CNTN5: variants seen among roughly 807,000 people sequenced by gnomAD.
CNTN5 encodes contactin-5.
Under a neutral mutation model 129.1 loss-of-function variants are expected in CNTN5, and 77 were observed. The observed-to-expected ratio is 0.60, with a 90% CI of 0.50 to 0.72. CNTN5 has a LOEUF of 0.72. CNTN5 is among the 30% of genes least tolerant of loss of function. The pLI is 0.00. For missense variants in CNTN5, 1,478 were observed against 1,328.8 expected (o/e 1.11, Z -1.75); for synonymous variants, 509 against 465.6 (o/e 1.09, Z -1.20).
chr11:99,525,153 T>TACC lies in CNTN5; in HGVS notation c.-70-30992_-70-30991insACC, dbSNP rs1947438205. Among the ~76,000 whole-genome samples, 5 of 152,204 alleles carry TACC rather than the reference T, an allele frequency of 3.3e-5. No homozygotes were observed. The South Asian group carries it at 1.0e-3, about 32-fold the overall frequency. The stretch of plus-strand genomic sequence containing the variant: ...AAAGCCAATTTAAAGGGAGGCTTTT[T>TACC]TTTTACATTAGGAAGACCTATCTTC... On this transcript the variant is annotated intron_variant, in intron 2 of 24. Transcript: ENST00000524871.
intron 7 of CNTN5, among the ~76,000 whole-genome samples, chr11:99,955,720 G>A (rs1440649068): frequency 3.3e-5 from 5 of 151,612 alleles, no homozygotes; most frequent in Admixed American, 6.6e-5. Flanking sequence ...CACCAGGCCC[G>A]GCTAATTTTT....
chr11:100,278,297 C>T (rs916360260), intron 18 of CNTN5, among the ~76,000 whole-genome samples: 4 of 151,910 alleles, frequency 2.6e-5, no homozygotes, highest in African/African-American at 9.7e-5. Context: ...TATTCTAGCT[C>T]TTTTGTGATC....
chr11:100,084,320 C>G (rs531357937), intron 13 of CNTN5, among the ~76,000 whole-genome samples: 40 of 152,166 alleles, frequency 2.6e-4, no homozygotes, highest in African/African-American at 9.6e-4. Flanking sequence ...GTATATGCTC[C>G]TAACTGATTC....
At chr11:99,859,912 A>G (rs185701095) in intron 6 of CNTN5, among the ~76,000 whole-genome samples, 3 of 152,274 alleles carry the variant, frequency 2.0e-5, no homozygotes, top group African/African-American at 4.8e-5. Context: ...TCTTTGAGAA[A>G]TCTCTAAACT....
At chr11:100,134,757 G>T (rs922434738) in intron 13 of CNTN5, among the ~76,000 whole-genome samples, 2 of 152,040 alleles carry the variant, frequency 1.3e-5, no homozygotes, top group African/African-American at 4.8e-5. Flanking sequence ...TTCAAGATGC[G>T]GCAGAAATAA....
intron 6 of CNTN5, among the ~76,000 whole-genome samples, chr11:99,892,004 CT>C (rs1949073180): frequency 6.6e-6 from 1 of 152,082 alleles, no homozygotes; most frequent in African/African-American, 2.4e-5. Context: ...CGTTTCCTGA[CT>C]TTTTAATGAT....
At chr11:99,870,041 G>A (rs1182186107) in intron 6 of CNTN5, among the ~76,000 whole-genome samples, 1 of 152,088 alleles carries the variant, frequency 6.6e-6, no homozygotes, top group Non-Finnish European at 1.5e-5. Context: ...TCAGTGGTAG[G>A]CACACTAATA....
At chr11:99,290,749 A>G (rs959676240) in intron 1 of CNTN5, among the ~76,000 whole-genome samples, 1 of 151,890 alleles carries the variant, frequency 6.6e-6, no homozygotes, top group African/African-American at 2.4e-5. Flanking sequence ...TTTGTATACT[A>G]CGAAGATTCT....
intron 3 of CNTN5, among the ~76,000 whole-genome samples, chr11:99,778,901 A>T (rs1945217500): frequency 7.4e-6 from 1 of 134,270 alleles, no homozygotes; most frequent in Non-Finnish European, 1.6e-5. Flanking sequence ...ATTTCATAGC[A>T]TTTTATTACA....
At chr11:100,203,938 G>A (rs1948848655) in intron 15 of CNTN5, among the ~76,000 whole-genome samples, 1 of 151,246 alleles carries the variant, frequency 6.6e-6, no homozygotes, top group African/African-American at 2.4e-5. Context: ...AAAATATCAT[G>A]TTCTCACATG....
intron 1 of CNTN5, among the ~76,000 whole-genome samples, chr11:99,299,339 T>A (rs1864523737): frequency 6.6e-6 from 1 of 151,898 alleles, no homozygotes; most frequent in Admixed American, 6.6e-5. Flanking sequence ...AGAATAATAG[T>A]AAAGGAACAG....
intron 3 of CNTN5, among the ~76,000 whole-genome samples, chr11:99,637,462 T>A (rs1249594072): frequency 6.6e-6 from 1 of 152,096 alleles, no homozygotes; most frequent in Non-Finnish European, 1.5e-5. Context: ...AGAGGGTGAA[T>A]TGGGAGAACT....
At chr11:99,498,948 A>G (rs1260609580) in intron 2 of CNTN5, among the ~76,000 whole-genome samples, 5 of 152,180 alleles carry the variant, frequency 3.3e-5, no homozygotes, top group African/African-American at 1.2e-4. Context: ...TGTTTGGTAA[A>G]GCAAAATTCC....
chr11:99,963,475 C>A (rs927360143), intron 8 of CNTN5, among the ~76,000 whole-genome samples: 5 of 151,936 alleles, frequency 3.3e-5, no homozygotes, highest in Admixed American at 3.3e-4. Context: ...TATAGATATG[C>A]AGCATTATTT....
intron 1 of CNTN5, among the ~76,000 whole-genome samples, chr11:99,270,407 G>A (rs534445149): frequency 1.3e-5 from 2 of 151,750 alleles, no homozygotes; most frequent in Admixed American, 6.6e-5. Flanking sequence ...AATTTTTCCA[G>A]CACCTTCTTA....
intron 3 of CNTN5, among the ~76,000 whole-genome samples, chr11:99,791,915 T>C (rs1033276220): frequency 2.0e-5 from 3 of 152,124 alleles, no homozygotes; most frequent in African/African-American, 7.2e-5. Context: ...TTGGATCTTG[T>C]TGATGTATAG....
At chr11:99,475,723 G>A (rs1303078359) in intron 2 of CNTN5, among the ~76,000 whole-genome samples, 1 of 151,622 alleles carries the variant, frequency 6.6e-6, no homozygotes, top group Non-Finnish European at 1.5e-5. Flanking sequence ...TGATTTTATT[G>A]CATTTAAGTT....
intron 6 of CNTN5, among the ~76,000 whole-genome samples, chr11:99,877,740 T>C (rs1209655570): frequency 6.6e-5 from 10 of 152,246 alleles, no homozygotes; most frequent in African/African-American, 1.9e-4. Context: ...GTACTATATC[T>C]GCATTTGCAT....
At chr11:100,095,658 G>T (rs1039578367) in intron 13 of CNTN5, among the ~76,000 whole-genome samples, 3 of 152,088 alleles carry the variant, frequency 2.0e-5, no homozygotes, top group African/African-American at 7.2e-5. Context: ...TTTGAAAAAT[G>T]TGATTGTACT....
Sources: allele counts gnomAD v4.1 joint callset (sites outside exome capture counted in the v4.1 genomes callset), GRCh38; gene constraint gnomAD v4.1.1; transcripts MANE v1.5; gene names NCBI Gene and HGNC (gene_info 2026-07-23, HGNC 2026-07-21).